The following OR2AJ1 variants were observed in gnomAD, a reference collection of about 807,000 sequenced individuals.
The protein encoded by OR2AJ1 is olfactory receptor family 2 subfamily AJ member 1, also known as olfactory receptor 2AJ1.
For synonymous variants in OR2AJ1, 105 were observed against 60.3 expected (o/e 1.74, Z -3.44); for missense variants, 280 against 163.2 (o/e 1.72, Z -3.90).
intron 1 of OR2AJ1, among the ~76,000 whole-genome samples, chr1:247,930,930 C>T (rs1558370908): frequency 6.6e-6 from 1 of 152,170 alleles, no homozygotes; most frequent in African/African-American, 2.4e-5. Context: ...TGCGTTTCTT[C>T]AAATCAAAGT....
At chr1:247,929,599 G>T (rs375420338) in intron 1 of OR2AJ1, among the ~76,000 whole-genome samples, 2 of 147,356 alleles carry the variant, frequency 1.4e-5, no homozygotes, top group East Asian at 4.0e-4. Flanking sequence ...CCCTTCACTC[G>T]GTGTGTGTGT....
At chr1:247,931,571 A>C (rs1660153204) in intron 1 of OR2AJ1, among the ~76,000 whole-genome samples, 1 of 152,216 alleles carries the variant, frequency 6.6e-6, no homozygotes. Flanking sequence ...GATAAGAAAT[A>C]AATTGTGGAT....
rs1660187986 is a variant in OR2AJ1 at position 247,934,180 on chromosome 1, G to C, written c.412G>C (p.Glu138Gln). The C allele has an allele frequency of 1.4e-6, 1 of 718,350 alleles. No homozygotes were observed. Among genetic ancestry groups the C allele is most frequent in the African/African-American group, 1.7e-5 (1 of 57,262 alleles). 44.5% of individuals were successfully genotyped at this position (718,350 alleles called of 1,614,324 possible). ...GCTGCGCTATCCGATTCTTATGAAG[G>C]AGTATGCCAGCGCTCTCATGGCTGG... is the stretch of plus-strand genomic sequence containing the variant. ...HPLRYPILMK[E>Q]YASALMAGGS... Residue 138 changes from glutamate to glutamine, a missense_variant, in exon 2 of 2, where the codon GAG becomes CAG. Physicochemically the swap from Glu to Gln is conservative, Grantham distance 29 (BLOSUM62 2). Transcript: ENST00000318244.
chr1:247,931,218 A>T (rs953449684), intron 1 of OR2AJ1, among the ~76,000 whole-genome samples: 1 of 152,204 alleles, frequency 6.6e-6, no homozygotes, highest in Admixed American at 6.5e-5. Flanking sequence ...TAATATTATT[A>T]ACAAGGTATA....
chr1:247,928,721 C>T (rs567376137), intron 1 of OR2AJ1, among the ~76,000 whole-genome samples: 63 of 152,282 alleles, frequency 4.1e-4, no homozygotes, highest in African/African-American at 1.5e-3. Context: ...GTCTTCGGCT[C>T]CTTAATCCCT....
In OR2AJ1 at chr1:247,934,916, G is replaced by A. The variant is rs1356181838; in HGVS notation, c.*161G>A. 5 of 555,264 alleles carry A rather than the reference G, an allele frequency of 9.0e-6. No homozygotes were observed. The highest frequency in any genetic ancestry group is 1.6e-5 in the Non-Finnish European group (5 of 316,880). 34.4% of individuals were successfully genotyped at this position (555,264 alleles called of 1,614,324 possible). A position where few individuals can be genotyped will look rare whatever the true frequency, so the allele number is the denominator to read the frequency against. ...TCTAAAAATGTAGTGTTCCTTCTGT[G>A]GTACCAATTATAATCATGCAACAGT... is the stretch of plus-strand genomic sequence containing the variant. On this transcript the variant is annotated 3_prime_UTR_variant, in exon 2 of 2. Transcript: ENST00000318244.
chr1:247,930,861 A>G (rs1414512820), intron 1 of OR2AJ1, among the ~76,000 whole-genome samples: 1 of 152,132 alleles, frequency 6.6e-6, no homozygotes, highest in Non-Finnish European at 1.5e-5. Context: ...CTTAGTATGA[A>G]ATTATGTACA....
intron 1 of OR2AJ1, among the ~76,000 whole-genome samples, chr1:247,930,270 G>A (rs970816868): frequency 5.9e-5 from 9 of 152,220 alleles, no homozygotes; most frequent in South Asian, 4.2e-4. Context: ...GTGAACAATC[G>A]AAGTCTGTAT....
intron 1 of OR2AJ1, among the ~76,000 whole-genome samples, chr1:247,932,743 G>A (rs986506420): frequency 6.6e-6 from 1 of 152,014 alleles, no homozygotes; most frequent in Non-Finnish European, 1.5e-5. Context: ...ATTAATATGT[G>A]AAAGTATATA....
chr1:247,933,896 C>G lies in OR2AJ1; in HGVS notation c.128C>G (p.Thr43Arg). 1.4e-6 allele frequency: 1 copy of G among 714,382 alleles called. No homozygotes were observed. Among genetic ancestry groups the G allele is most frequent in the South Asian group, 1.5e-5 (1 of 67,174 alleles). The allele number at this position is 714,382 out of a possible 1,614,324, so 44.3% of individuals were successfully genotyped here. Residue 43 changes from threonine (T) to arginine (R), a missense_variant, in exon 2 of 2, where the codon ACG (threonine) becomes AGG (arginine). By Grantham distance (71) the Thr-to-Arg change is moderately conservative (BLOSUM62 -1). Transcript: ENST00000318244. ...VIFIMSVTENTLMILLIRSDS... is the reference protein window; with the variant it reads ...VIFIMSVTENRLMILLIRSDS... Reference sequence around the variant, plus strand: ...TTCATTATGAGTGTAACAGAAAATACGCTCATGATCCTCCTCATTCGCAGT... The same window carrying G: ...TTCATTATGAGTGTAACAGAAAATAGGCTCATGATCCTCCTCATTCGCAGT...
At chr1:247,929,669 CA>C (rs1660131680) in intron 1 of OR2AJ1, among the ~76,000 whole-genome samples, 1 of 149,282 alleles carries the variant, frequency 6.7e-6, no homozygotes, top group Non-Finnish European at 1.5e-5. Context: ...ATCTAATATT[CA>C]AAACAACTTT....
chr1:247,932,629 A>T (rs1450627340), intron 1 of OR2AJ1, among the ~76,000 whole-genome samples: 1 of 152,220 alleles, frequency 6.6e-6, no homozygotes, highest in African/African-American at 2.4e-5. Flanking sequence ...TGTTAATAAG[A>T]TGGAAAATAA....
In OR2AJ1 at chr1:247,933,904, ATCC is replaced by A. The variant is rs1031868643; in HGVS notation, c.142_144del (p.Leu48del). 7.0e-6 allele frequency: 5 copies of A among 716,726 alleles called. No homozygotes were observed. The African/African-American group carries it at 8.7e-5, about 13-fold the overall frequency. The allele number at this position is 716,726 out of a possible 1,614,324, so 44.4% of individuals were successfully genotyped here. A position where few individuals can be genotyped will look rare whatever the true frequency, so the allele number is the denominator to read the frequency against. On this transcript the variant is annotated inframe_deletion, in exon 2 of 2. Coordinates refer to ENST00000318244, the MANE Select transcript of OR2AJ1 (RefSeq NM_001355235.2). Reference sequence around the variant, plus strand: ...GAGTGTAACAGAAAATACGCTCATGATCCTCCTCATTCGCAGTGACTCCCGACT... The same window carrying A: ...GAGTGTAACAGAAAATACGCTCATGATCCTCATTCGCAGTGACTCCCGACT...
Position 247,933,840 on chromosome 1 carries a change from T to C in OR2AJ1, c.72T>C (p.Ser24=), listed in dbSNP as rs754722439. 3.0e-6 allele frequency: 2 copies of C among 665,830 alleles called. No individual in the cohort carries two copies. The highest frequency in any genetic ancestry group is 1.7e-5 in the South Asian group (1 of 57,950). 41.2% of individuals were successfully genotyped at this position (665,830 alleles called of 1,614,324 possible). The change falls in exon 2 of 2, where the codon AGT becomes AGC. Residue 24 remains serine, a synonymous_variant. Transcript: ENST00000318244. Reference sequence around the variant, plus strand: ...GATTGTTCTCTTCTTCCCCAACAAGTGTGGTCTTCTTCTTAGTTTTATTTG... The same window carrying C: ...GATTGTTCTCTTCTTCCCCAACAAGCGTGGTCTTCTTCTTAGTTTTATTTG... ...LLGLFSSSPT[S]VVFFLVLFVI... is the part of the protein sequence containing the mutation.
At chr1:247,932,639 AT>A (rs1289984976) in intron 1 of OR2AJ1, among the ~76,000 whole-genome samples, 2 of 152,142 alleles carry the variant, frequency 1.3e-5, no homozygotes, top group Non-Finnish European at 2.9e-5. Flanking sequence ...ATGGAAAATA[AT>A]TTTTTAATGT....
chr1:247,930,964 T>C (rs1660147551), intron 1 of OR2AJ1, among the ~76,000 whole-genome samples: 1 of 152,196 alleles, frequency 6.6e-6, no homozygotes, highest in Non-Finnish European at 1.5e-5. Context: ...TCAGTTTATG[T>C]GAAGTATAAT....
intron 1 of OR2AJ1, among the ~76,000 whole-genome samples, chr1:247,933,480 T>C (rs1660175712): frequency 6.6e-6 from 1 of 152,078 alleles, no homozygotes; most frequent in East Asian, 1.9e-4. Flanking sequence ...AGAGTAGATT[T>C]GAGTAAATTA....
At chr1:247,930,830 G>A (rs976120835) in intron 1 of OR2AJ1, among the ~76,000 whole-genome samples, 1 of 152,036 alleles carries the variant, frequency 6.6e-6, no homozygotes, top group African/African-American at 2.4e-5. Context: ...AAAAAAATGT[G>A]GGCTCTTCTT....
At chr1:247,925,261 G>A (rs1178927121) in intron 1 of OR2AJ1, 93 bp downstream of exon 1, 1 of 152,280 alleles carries the variant, frequency 6.6e-6, no homozygotes, top group Non-Finnish European at 1.5e-5. Flanking sequence ...AGCGCGCTAG[G>A]GTACACCTGC....
Sources: gnomAD v4.1 joint callset for allele counts (sites outside exome capture counted in the v4.1 genomes callset) on GRCh38, gnomAD v4.1.1 for gene constraint, MANE v1.5 for transcripts, NCBI Gene and HGNC (gene_info 2026-07-23, HGNC 2026-07-21) for gene names.